PHC2: variants seen among roughly 807,000 people sequenced by gnomAD.
PHC2 encodes the protein polyhomeotic homolog 2.
A neutral mutation model predicts 87.4 loss-of-function variants in PHC2; 29 were observed. The observed-to-expected ratio is 0.33, with a 90% CI of 0.25 to 0.45. The LOEUF (loss-of-function observed/expected upper bound fraction) is 0.45, where lower values mean the gene tolerates loss of function less well. PHC2 is among the 20% of genes least tolerant of loss of function. The probability of loss-of-function intolerance (pLI) is 1.00; values close to 1 mark genes in which losing one functional copy is unlikely to be tolerated. For synonymous variants in PHC2, 438 were observed against 461.7 expected, an observed-to-expected ratio of 0.95 and a Z score of 0.66; for missense variants, 857 against 1,136.7, an observed-to-expected ratio of 0.75 and a Z score of 3.54.
rs1646927073 is a variant in PHC2, at chr1:33,349,799, G to A, written c.1558+4602C>T. On this transcript the variant is annotated intron_variant, in intron 9 of 14. Transcript: ENST00000683057. The surrounding 1 kb of genome is among the most constrained non-coding windows in gnomAD (Gnocchi z 4.2). ...AAGGGCGGCCGGGGCGCGAGGCCGG[G>A]ACGGGGGCGCGAGGCCGGGGCGGGA... is the stretch of plus-strand genomic sequence containing the variant. 1.0e-6 allele frequency: 1 copy of A among 977,332 alleles called. No individual in the cohort carries two copies. The highest frequency in any genetic ancestry group is 1.2e-4 in the East Asian group (1 of 8,590). The allele number at this position is 977,332 out of a possible 1,614,324, so 60.5% of individuals were successfully genotyped here. A position where few individuals can be genotyped will look rare whatever the true frequency, so the allele number is the denominator to read the frequency against.
chr1:33,386,837 C>T (rs1648784541), intron 1 of PHC2, among the ~76,000 whole-genome samples: 1 of 152,162 alleles, frequency 6.6e-6, no homozygotes, highest in African/African-American at 2.4e-5. Flanking sequence ...AAAGCACACA[C>T]ACAGCACATA....
chr1:33,334,057 TAAA>T lies in PHC2; in HGVS notation c.1761+30_1761+32del. ...TTCTAAGACACATCCAAAATATACT[TAAA>T]AAAAAAAGGGGAAAAGAAGTAGTCC... On this transcript the variant is annotated intron_variant, in intron 10 of 14. Coordinates refer to ENST00000683057, the MANE Select transcript of PHC2 (RefSeq NM_001385109.1). The surrounding 1 kb of genome is among the most constrained non-coding windows in gnomAD (Gnocchi z 5.5). 7.6e-7 allele frequency: 1 copy of T among 1,309,170 alleles called. No homozygotes were observed. Among genetic ancestry groups the T allele is most frequent in the Non-Finnish European group, 1.0e-6 (1 of 960,512 alleles). 81.1% of individuals were successfully genotyped at this position (1,309,170 alleles called of 1,614,324 possible). A position where few individuals can be genotyped will look rare whatever the true frequency, so the allele number is the denominator to read the frequency against.
At chr1:33,375,988 C>A (rs1333835348) in intron 1 of PHC2, among the ~76,000 whole-genome samples, 2 of 152,194 alleles carry the variant, frequency 1.3e-5, no homozygotes, top group African/African-American at 4.8e-5. Flanking sequence ...GACGACTATG[C>A]AGTATATACA....
At position 33,397,672 on chromosome 1, in the gene PHC2, G is replaced by A. The variant is rs572150993; in HGVS notation, c.-54-22079C>T. On this transcript the variant is annotated intron_variant, in intron 1 of 14. Transcript: ENST00000683057. ...GCCCTCTTTGTTTGGGGTGGTCTCAGTGGGTGATTTTGGCTCTGCCTCAGG... is the reference window on the plus strand; with the variant it reads ...GCCCTCTTTGTTTGGGGTGGTCTCAATGGGTGATTTTGGCTCTGCCTCAGG... Among the ~76,000 whole-genome samples the A allele has an allele frequency of 2.0e-5, 3 of 152,182 alleles. No individual in the cohort carries two copies. In the South Asian group the frequency reaches 6.2e-4, roughly 32 times the overall value.
chr1:33,361,197 T>TGCAGTGG (rs1273897562), intron 7 of PHC2, among the ~76,000 whole-genome samples: 4 of 152,166 alleles, frequency 2.6e-5, no homozygotes, highest in Admixed American at 1.3e-4. Context: ...AGCAGTCAGG[T>TGCAGTGG]GCAGTGGGCA....
intron 14 of PHC2, 141 bp downstream of exon 14, chr1:33,328,729 G>A: frequency 1.5e-6 from 1 of 688,596 alleles, no homozygotes; most frequent in Non-Finnish European, 2.4e-6. Context: ...TAGGCAGGGA[G>A]CTCATCTCAC....
intron 2 of PHC2, 115 bp downstream of exon 2, chr1:33,375,251 A>G (rs747605588): frequency 7.2e-6 from 6 of 835,136 alleles, no homozygotes; most frequent in African/African-American, 1.7e-5. Context: ...TCACTCCCAT[A>G]TGCCCGTTCT....
rs1235509722 is a variant in PHC2 at position 33,354,916 on chromosome 1, C to T, written c.1314G>A (p.Glu438=). Residue 438 remains glutamate, a synonymous_variant, in exon 8 of 15, where the codon GAG becomes GAA. Transcript: ENST00000683057. ...TGCGTTGAGGGGTGTGGGGCACGCC[C>T]TCGGGATGTCCATTCTGAGGCCCAG... ...PDTGPQNGHP[E]GVPHTPQRRF... 7.4e-6 allele frequency: 12 copies of T among 1,614,214 alleles called. No individual in the cohort carries two copies. The highest frequency in any genetic ancestry group is 2.2e-5 in the East Asian group (1 of 44,886).
intron 9 of PHC2, chr1:33,345,474 A>C (rs1646828615): frequency 1.2e-6 from 1 of 826,404 alleles, no homozygotes. Flanking sequence ...ATCCTTTTTC[A>C]CTAACTATAA....
Position 33,365,262 on chromosome 1 carries a change from G to A in PHC2, c.976+1854C>T, listed in dbSNP as rs116726540. Among the ~76,000 whole-genome samples, 323 of 152,306 alleles carry A rather than the reference G, an allele frequency of 2.1e-3. 1 individual carries two copies. The highest frequency in any genetic ancestry group is 7.6e-3 in the African/African-American group (314 of 41,566). ...GCGTGATGCATACAATGCAGGGCAC[G>A]TTATCTAGCACACGACGGACGTCCT... On this transcript the variant is annotated intron_variant, in intron 7 of 14. Coordinates refer to ENST00000683057, the MANE Select transcript of PHC2 (RefSeq NM_001385109.1).
intron 1 of PHC2, among the ~76,000 whole-genome samples, chr1:33,391,506 C>A (rs16835424): frequency 6.6e-6 from 1 of 152,072 alleles, no homozygotes; most frequent in Non-Finnish European, 1.5e-5. Context: ...AATCACTGTA[C>A]GGGACTGTAT....
chr1:33,399,412 A>G (rs1649425939), intron 1 of PHC2, among the ~76,000 whole-genome samples: 1 of 152,208 alleles, frequency 6.6e-6, no homozygotes, highest in African/African-American at 2.4e-5. Flanking sequence ...GAGCCGCCAC[A>G]GATTTATAGA....
At chr1:33,385,998 T>C (rs1225548689) in intron 1 of PHC2, among the ~76,000 whole-genome samples, 1 of 151,724 alleles carries the variant, frequency 6.6e-6, no homozygotes. Flanking sequence ...GGTTTCACTA[T>C]GTTGGCCAGG....
chr1:33,335,266 C>T (rs1359691699), intron 9 of PHC2: 1 of 985,276 alleles, frequency 1.0e-6, no homozygotes, highest in Non-Finnish European at 1.2e-6. Flanking sequence ...TTCATCTCCT[C>T]ACTTCTGTAA....
In PHC2 at chr1:33,364,412, A is replaced by G. The variant is rs1046028523; in HGVS notation, c.976+2704T>C. Among the ~76,000 whole-genome samples, 11 of 139,540 alleles carry G rather than the reference A, an allele frequency of 7.9e-5. No homozygotes were observed. Among genetic ancestry groups the G allele is most frequent in the Middle Eastern group, 3.6e-3 (1 of 274 alleles). 91.5% of individuals were successfully genotyped at this position (139,540 alleles called of 152,430 possible). On this transcript the variant is annotated intron_variant, in intron 7 of 14. Transcript: ENST00000683057. The surrounding 1 kb of genome is among the most constrained non-coding windows in gnomAD (Gnocchi z 4.1). Reference sequence around the variant, plus strand: ...CTTTCACACACACACACACACACACACACACACACACACGCTCAAGCACGC... The same window carrying G: ...CTTTCACACACACACACACACACACGCACACACACACACGCTCAAGCACGC...
rs114035039 is a variant in PHC2, at chr1:33,397,124, G to A, written c.-54-21531C>T. On this transcript the variant is annotated intron_variant, in intron 1 of 14. Coordinates refer to ENST00000683057, the MANE Select transcript of PHC2 (RefSeq NM_001385109.1). ...ACAACACCTACTTCACTGAGTAGCT[G>A]GGACAATGAGAGGAACCATATATTC... Among the ~76,000 whole-genome samples, 266 of 152,254 alleles carry A rather than the reference G, an allele frequency of 1.7e-3. 1 individual carries two copies. Among genetic ancestry groups the A allele is most frequent in the African/African-American group, 6.2e-3 (259 of 41,550 alleles).
At chr1:33,333,355 T>C (rs538551370) in intron 10 of PHC2, 14 of 152,368 alleles carry the variant, frequency 9.2e-5, no homozygotes, top group African/African-American at 3.4e-4. Context: ...CCCAGAAAGG[T>C]GTCTTCTCCA....
At chr1:33,377,102 T>G (rs1648224741) in intron 1 of PHC2, among the ~76,000 whole-genome samples, 1 of 152,250 alleles carries the variant, frequency 6.6e-6, no homozygotes, top group South Asian at 2.1e-4. Flanking sequence ...TCAGAAAGAC[T>G]TGGCTTTGTC....
intron 1 of PHC2, among the ~76,000 whole-genome samples, chr1:33,403,046 C>T (rs974050382): frequency 1.3e-5 from 2 of 151,070 alleles, no homozygotes; most frequent in Admixed American, 6.6e-5. Flanking sequence ...TGGTCTTGAT[C>T]TCCTGACCTC....
Sources: allele counts gnomAD v4.1 joint callset (sites outside exome capture counted in the v4.1 genomes callset), GRCh38; gene constraint gnomAD v4.1.1; non-coding constraint Gnocchi (gnomAD v3.1); transcripts MANE v1.5; gene names NCBI Gene and HGNC (gene_info 2026-07-23, HGNC 2026-07-21).